Variants in IL1RAPL1 observed in about 807,000 individuals in gnomAD.
IL1RAPL1 encodes interleukin-1 receptor accessory protein-like 1.
In IL1RAPL1, 3 loss-of-function variants were observed where a neutral mutation model predicts 48.4. That is an observed-to-expected ratio of 0.06 (90% CI 0.03 to 0.16). The LOEUF is 0.16. Ranked by LOEUF, IL1RAPL1 falls within the 10% of genes least tolerant of loss-of-function variation. The pLI, the probability that IL1RAPL1 is intolerant of heterozygous loss-of-function variation, is 1.00. For missense variants in IL1RAPL1, 349 were observed against 530.6 expected (o/e 0.66, Z 3.36); for synonymous variants, 185 against 187.7 (o/e 0.99, Z 0.12).
intron 2 of IL1RAPL1, among the ~76,000 whole-genome samples, chrX:29,079,801 G>A (rs768311741): frequency 1.8e-5 from 2 of 111,341 alleles, no homozygotes; most frequent in African/African-American, 6.5e-5. Flanking sequence ...ATCCACGGAA[G>A]TCAAGTAAAA....
chrX:28,596,407 C>T (rs1206812391), intron 1 of IL1RAPL1, among the ~76,000 whole-genome samples: 5 of 107,708 alleles, frequency 4.6e-5, no homozygotes, highest in Admixed American at 1.0e-4. Flanking sequence ...CCTTCCACCT[C>T]TATCATAGGT....
At chrX:29,428,213 A>G in intron 5 of IL1RAPL1, among the ~76,000 whole-genome samples, 1 of 111,993 alleles carries the variant, frequency 8.9e-6, no homozygotes, top group Non-Finnish European at 1.9e-5. Flanking sequence ...GTGCTCATTT[A>G]CCTCAACAAA....
chrX:28,608,656 G>A (rs1934112699), intron 1 of IL1RAPL1, among the ~76,000 whole-genome samples: 1 of 111,652 alleles, frequency 9.0e-6, no homozygotes, highest in Admixed American at 9.6e-5. Flanking sequence ...TGAATTCTAA[G>A]TTTTGCAGGC....
At chrX:28,725,535 C>A (rs1935662036) in intron 1 of IL1RAPL1, among the ~76,000 whole-genome samples, 1 of 111,773 alleles carries the variant, frequency 8.9e-6, no homozygotes, top group Non-Finnish European at 1.9e-5. Flanking sequence ...CTTCCATACT[C>A]CCCACTGTGT....
chrX:28,704,837 A>AAAC (rs1935352616), intron 1 of IL1RAPL1, among the ~76,000 whole-genome samples: 1 of 103,677 alleles, frequency 9.6e-6, no homozygotes, highest in Non-Finnish European at 2.0e-5. Context: ...CACACAAAAA[A>AAAC]AAAAAAAAAA....
chrX:29,333,807 C>G (rs1345893596), intron 3 of IL1RAPL1, among the ~76,000 whole-genome samples: 9 of 74,505 alleles, frequency 1.2e-4, no homozygotes, highest in Non-Finnish European at 2.5e-4. Context: ...GACCCCCCCC[C>G]CCGCCTCCCT....
intron 2 of IL1RAPL1, among the ~76,000 whole-genome samples, chrX:28,920,586 C>A (rs1923592315): frequency 9.0e-6 from 1 of 111,676 alleles, no homozygotes; most frequent in Non-Finnish European, 1.9e-5. Context: ...TGGTTCCAGG[C>A]TAAGATTCAC....
chrX:29,177,000 C>T (rs1477180286), intron 2 of IL1RAPL1, among the ~76,000 whole-genome samples: 1 of 111,309 alleles, frequency 9.0e-6, no homozygotes, highest in East Asian at 2.8e-4. Flanking sequence ...CATCAGTCTT[C>T]TCAGCATTCT....
At chrX:29,684,266 C>T (rs1324172547) in intron 6 of IL1RAPL1, among the ~76,000 whole-genome samples, 1 of 111,756 alleles carries the variant, frequency 8.9e-6, no homozygotes, top group Non-Finnish European at 1.9e-5. Flanking sequence ...TGGTGCCTGG[C>T]CAGGGTTCTC....
intron 2 of IL1RAPL1, among the ~76,000 whole-genome samples, chrX:29,031,673 A>G (rs1452174427): frequency 8.9e-6 from 1 of 111,799 alleles, no homozygotes; most frequent in Admixed American, 9.5e-5. Context: ...GGGTTTAAAA[A>G]ATTGAAATGC....
intron 5 of IL1RAPL1, among the ~76,000 whole-genome samples, chrX:29,562,062 ATCT>A (rs1296841666): frequency 7.7e-5 from 8 of 104,228 alleles, no homozygotes; most frequent in African/African-American, 3.0e-4. Flanking sequence ...CTATCTATCT[ATCT>A]ATCTATCTAT....
chrX:29,224,739 G>C (rs1295919054), intron 2 of IL1RAPL1, among the ~76,000 whole-genome samples: 1 of 112,063 alleles, frequency 8.9e-6, no homozygotes, highest in African/African-American at 3.2e-5. Flanking sequence ...AATGTGAGCT[G>C]TTAGGGAACT....
intron 1 of IL1RAPL1, among the ~76,000 whole-genome samples, chrX:28,618,868 G>C (rs924796178): frequency 1.8e-5 from 2 of 111,461 alleles, no homozygotes; most frequent in African/African-American, 3.3e-5. Context: ...ATAATATTGT[G>C]GGTGGTGAAG....
chrX:28,721,252 C>T (rs1333828369), intron 1 of IL1RAPL1, among the ~76,000 whole-genome samples: 1 of 111,321 alleles, frequency 9.0e-6, no homozygotes, highest in Non-Finnish European at 1.9e-5. Context: ...CTCTCCAGCA[C>T]CTGTTGTTTC....
At chrX:28,859,232 T>A (rs1379934698) in intron 2 of IL1RAPL1, among the ~76,000 whole-genome samples, 3 of 112,144 alleles carry the variant, frequency 2.7e-5, no homozygotes, top group African/African-American at 9.7e-5. Context: ...TATGCAATGA[T>A]GGTCTCCTAC....
chrX:28,699,102 C>CA (rs1439537557), intron 1 of IL1RAPL1, among the ~76,000 whole-genome samples: 2 of 112,095 alleles, frequency 1.8e-5, no homozygotes, highest in African/African-American at 6.5e-5. Context: ...AGTCACTATT[C>CA]ATAAATGCAC....
At chrX:28,600,290 G>A (rs1291900856) in intron 1 of IL1RAPL1, among the ~76,000 whole-genome samples, 1 of 111,822 alleles carries the variant, frequency 8.9e-6, no homozygotes, top group Non-Finnish European at 1.9e-5. Context: ...CAGAGAATGT[G>A]ATTTTCTCAG....
chrX:29,129,784 C>A (rs1259620728), intron 2 of IL1RAPL1, among the ~76,000 whole-genome samples: 1 of 108,232 alleles, frequency 9.2e-6, no homozygotes, highest in African/African-American at 3.4e-5. Context: ...TTAGTAGAGA[C>A]GGGGTTTTGC....
At chrX:28,767,318 G>A (rs1394940038) in intron 1 of IL1RAPL1, among the ~76,000 whole-genome samples, 9 of 110,710 alleles carry the variant, frequency 8.1e-5, no homozygotes, top group Non-Finnish European at 1.7e-4. Context: ...ATTGACATTG[G>A]CTGTCTAGTC....
Sources: allele counts gnomAD v4.1 joint callset (sites outside exome capture counted in the v4.1 genomes callset), GRCh38; gene constraint gnomAD v4.1.1; transcripts MANE v1.5; gene names NCBI Gene and HGNC (gene_info 2026-07-23, HGNC 2026-07-21).